The following DNAH5 variants were observed in gnomAD, a reference collection of about 807,000 sequenced individuals.
DNAH5 encodes dynein axonemal heavy chain 5, also known as axonemal beta dynein heavy chain 5.
In DNAH5, 372 loss-of-function variants were observed where a neutral mutation model predicts 518.2. That is an observed-to-expected ratio of 0.72 (90% CI 0.66 to 0.78). The LOEUF (loss-of-function observed/expected upper bound fraction) is 0.78, where lower values mean the gene tolerates loss of function less well. DNAH5 is among the 30% of genes least tolerant of loss of function. DNAH5 has a pLI of 0.00. For missense variants in DNAH5, 5,523 were observed against 5,687.0 expected (o/e 0.97, Z 0.93); for synonymous variants, 2,039 against 2,025.9 (o/e 1.01, Z -0.17).
At chr5:13,920,374 C>T (rs1580892434) in intron 6 of DNAH5, 106 bp downstream of exon 6, 1 of 1,475,862 alleles carries the variant, frequency 6.8e-7, no homozygotes, top group Non-Finnish European at 9.4e-7. Flanking sequence ...CAAGGATTTA[C>T]AGTAAAACGC....
chr5:13,700,855 T>G lies in DNAH5; in HGVS notation c.13508A>C (p.Asn4503Thr). The change falls in exon 78 of 79, where the codon AAC (asparagine) becomes ACC (threonine). Residue 4503 changes from asparagine to threonine, a missense_variant. By Grantham distance (65) the Asn-to-Thr change is moderately conservative (BLOSUM62 0). Coordinates refer to ENST00000265104, the MANE Select transcript of DNAH5 (RefSeq NM_001369.3). The stretch of plus-strand genomic sequence containing the variant: ...CATATTGTCCAGAGCCCAGCCTTTG[T>G]TGGCCCGAGTTATTTCCTATTCAGG... ...TAMRQEITRANKGWALDNMVL... is the reference protein window; with the variant it reads ...TAMRQEITRATKGWALDNMVL... 6.2e-7 allele frequency: 1 copy of G among 1,614,170 alleles called. No individual in the cohort carries two copies. The highest frequency in any genetic ancestry group is 8.5e-7 in the Non-Finnish European group (1 of 1,180,008).
intron 2 of DNAH5, among the ~76,000 whole-genome samples, chr5:13,929,094 A>G (rs770743120): frequency 3.3e-5 from 5 of 152,236 alleles, no homozygotes; most frequent in African/African-American, 7.2e-5. Flanking sequence ...GATGAAAGTG[A>G]CAGATAAAGC....
intron 27 of DNAH5, 96 bp from the exon 28 acceptor site, chr5:13,864,733 CTT>C: frequency 1.5e-6 from 2 of 1,296,402 alleles, no homozygotes; most frequent in Non-Finnish European, 2.2e-6. Context: ...AAAACAGTCT[CTT>C]TGAATACTTA....
chr5:13,898,956 G>A (rs1001828464), intron 15 of DNAH5: 3 of 186,664 alleles, frequency 1.6e-5, no homozygotes, highest in Non-Finnish European at 3.3e-5. Flanking sequence ...TTTTTGAGAC[G>A]GATCTCGCTC....
chr5:13,965,675 G>A (rs755182442), intron 1 of DNAH5, among the ~76,000 whole-genome samples: 2 of 152,112 alleles, frequency 1.3e-5, no homozygotes, highest in Non-Finnish European at 2.9e-5. Flanking sequence ...TCATGGGGCT[G>A]GATGTTCACC....
At chr5:13,762,979 C>T (rs1164803985) in intron 59 of DNAH5, 78 bp from the exon 60 acceptor site, 3 of 1,196,208 alleles carry the variant, frequency 2.5e-6, no homozygotes, top group African/African-American at 3.0e-5. Flanking sequence ...CTCAATGCCA[C>T]TGAAACTACT....
intron 1 of DNAH5, among the ~76,000 whole-genome samples, chr5:14,007,926 A>G (rs1784829190): frequency 6.6e-6 from 1 of 152,140 alleles, no homozygotes; most frequent in Admixed American, 6.5e-5. Flanking sequence ...TAATCCCAGC[A>G]CTTTGGGAGG....
At chr5:13,837,129 G>A (rs559060658) in intron 35 of DNAH5, among the ~76,000 whole-genome samples, 14 of 152,214 alleles carry the variant, frequency 9.2e-5, no homozygotes, top group Non-Finnish European at 1.3e-4. Flanking sequence ...TTACAATCCC[G>A]TGAGACCCAC....
chr5:13,833,432 G>A (rs1292591674), intron 35 of DNAH5, among the ~76,000 whole-genome samples: 1 of 127,156 alleles, frequency 7.9e-6, no homozygotes, highest in Non-Finnish European at 1.6e-5. Flanking sequence ...GAGTGAGTGA[G>A]ACTCCTTCCC....
intron 1 of DNAH5, among the ~76,000 whole-genome samples, chr5:13,934,423 T>C (rs1014501642): frequency 2.6e-5 from 4 of 152,204 alleles, no homozygotes; most frequent in African/African-American, 4.8e-5. Flanking sequence ...AGTTTTGGTA[T>C]GGTTTGTAAC....
intron 31 of DNAH5, 25 bp downstream of exon 31, chr5:13,850,627 G>A (rs1766699852): frequency 6.2e-7 from 1 of 1,607,824 alleles, no homozygotes. Flanking sequence ...GATACCGAGA[G>A]CTTTCAAAGA....
chr5:13,761,315 C>T (rs1423249667), intron 60 of DNAH5, among the ~76,000 whole-genome samples: 3 of 152,130 alleles, frequency 2.0e-5, no homozygotes, highest in Non-Finnish European at 4.4e-5. Context: ...ACTATGTGGC[C>T]GGGCACAGTG....
upstream of DNAH5, among the ~76,000 whole-genome samples, chr5:13,945,139 T>C (rs140488819): frequency 7.4e-4 from 112 of 152,364 alleles, 1 homozygote; most frequent in African/African-American, 2.6e-3. Flanking sequence ...CAGTTGCACA[T>C]ACACTTCAGC....
chr5:13,991,162 A>AAAACCTAGTTTTTTTCACAAT (rs1581128200), intron 1 of DNAH5, among the ~76,000 whole-genome samples: 1 of 152,102 alleles, frequency 6.6e-6, no homozygotes, highest in African/African-American at 2.4e-5. Flanking sequence ...ACTAGGTAAA[A>AAAACCTAGTTTTTTTCACAAT]GAAAACCACA....
At chr5:13,948,975 T>A (rs1033565218), upstream of DNAH5, among the ~76,000 whole-genome samples, 2 of 151,962 alleles carry the variant, frequency 1.3e-5, no homozygotes, top group Non-Finnish European at 2.9e-5. Context: ...TCTAGAGAAA[T>A]CCTGGTTGAG....
At chr5:13,839,323 A>G (rs778834463) in intron 35 of DNAH5, 33 bp downstream of exon 35, 45 of 1,608,296 alleles carry the variant, frequency 2.8e-5, no homozygotes, top group Non-Finnish European at 3.6e-5. Context: ...AGAGAATAAA[A>G]ATGGTGGGGG....
chr5:13,956,664 C>A (rs1050483044), intron 1 of DNAH5, among the ~76,000 whole-genome samples: 10 of 152,204 alleles, frequency 6.6e-5, no homozygotes, highest in Non-Finnish European at 1.2e-4. Flanking sequence ...GCTTATCCTG[C>A]ACTTCTACGT....
chr5:13,728,584 A>G (rs994491389), intron 69 of DNAH5, among the ~76,000 whole-genome samples: 3 of 152,188 alleles, frequency 2.0e-5, no homozygotes, highest in East Asian at 3.9e-4. Flanking sequence ...CTATTGGGGA[A>G]TAACCCGAAA....
chr5:13,878,605 G>A (rs1036792627), intron 21 of DNAH5, among the ~76,000 whole-genome samples: 1 of 152,150 alleles, frequency 6.6e-6, no homozygotes, highest in Non-Finnish European at 1.5e-5. Flanking sequence ...AAGGAGCTAC[G>A]ACACGCACCA....
Sources: allele counts gnomAD v4.1 joint callset (sites outside exome capture counted in the v4.1 genomes callset), GRCh38; gene constraint gnomAD v4.1.1; transcripts MANE v1.5; gene names NCBI Gene and HGNC (gene_info 2026-07-23, HGNC 2026-07-21).